RORA: variants seen among roughly 807,000 people sequenced by gnomAD.
RORA encodes nuclear receptor ROR-alpha.
A neutral mutation model predicts 69.5 loss-of-function variants in RORA; 7 were observed. The ratio of observed to expected loss-of-function variants is 0.10; its 90% CI spans 0.06 to 0.19. The LOEUF (loss-of-function observed/expected upper bound fraction) is 0.19. Among genes scored for constraint, RORA ranks in the 10% least tolerant of loss-of-function variants. The pLI, the probability that RORA is intolerant of heterozygous loss-of-function variation, is 1.00. For missense variants in RORA, 457 were observed against 663.0 expected (o/e 0.69, Z 3.41); for synonymous variants, 261 against 240.8 (o/e 1.08, Z -0.78).
chr15:61,190,842 T>C (rs960371151), intron 1 of RORA, among the ~76,000 whole-genome samples: 6 of 152,246 alleles, frequency 3.9e-5, no homozygotes, highest in African/African-American at 1.4e-4. Context: ...TGTGTGTGTG[T>C]GTATGGTTTT....
intron 2 of RORA, chr15:60,627,513 T>C: frequency 6.8e-7 from 1 of 1,479,788 alleles, no homozygotes; most frequent in Non-Finnish European, 8.9e-7. Flanking sequence ...GGGATAATGC[T>C]CAGAGGCCCT....
intron 1 of RORA, among the ~76,000 whole-genome samples, chr15:61,118,830 G>A (rs1314858265): frequency 6.6e-6 from 1 of 151,844 alleles, no homozygotes; most frequent in Non-Finnish European, 1.5e-5. Context: ...ACTGTTTTTT[G>A]AAACGAGTAT....
intron 1 of RORA, among the ~76,000 whole-genome samples, chr15:61,026,849 C>G (rs1331573453): frequency 6.6e-6 from 1 of 152,126 alleles, no homozygotes; most frequent in Non-Finnish European, 1.5e-5. Flanking sequence ...CTGAACAATG[C>G]CTTTAACACC....
At chr15:60,904,469 C>T (rs1259062658) in intron 1 of RORA, among the ~76,000 whole-genome samples, 3 of 152,158 alleles carry the variant, frequency 2.0e-5, no homozygotes, top group Non-Finnish European at 4.4e-5. Flanking sequence ...AGAAGGGTCA[C>T]TGTGAGAGAA....
chr15:60,624,932 TG>T (rs2069533800), intron 2 of RORA, among the ~76,000 whole-genome samples: 2 of 152,094 alleles, frequency 1.3e-5, no homozygotes. Flanking sequence ...AACCAAGAAA[TG>T]GGCCCTGGCA....
intron 1 of RORA, among the ~76,000 whole-genome samples, chr15:60,904,783 G>A (rs554187738): frequency 3.9e-5 from 6 of 152,230 alleles, no homozygotes; most frequent in African/African-American, 1.4e-4. Context: ...GGTAATGAAC[G>A]ACGGAAGAAG....
chr15:60,832,827 T>C (rs1003976560), intron 1 of RORA, among the ~76,000 whole-genome samples: 3 of 152,212 alleles, frequency 2.0e-5, no homozygotes, highest in Non-Finnish European at 2.9e-5. Context: ...TCTCTCCTGC[T>C]GTTACCATGC....
At chr15:61,088,187 CAG>C (rs2078653539) in intron 1 of RORA, among the ~76,000 whole-genome samples, 1 of 152,186 alleles carries the variant, frequency 6.6e-6, no homozygotes, top group Non-Finnish European at 1.5e-5. Context: ...AGTGTCAAAA[CAG>C]AGCTCGAGAA....
intron 1 of RORA, among the ~76,000 whole-genome samples, chr15:60,771,854 A>G (rs1452896142): frequency 6.6e-6 from 1 of 152,204 alleles, no homozygotes; most frequent in Admixed American, 6.5e-5. Context: ...ATGAGGATAC[A>G]CGAGATCTTG....
intron 1 of RORA, among the ~76,000 whole-genome samples, chr15:60,842,794 A>G (rs1052668436): frequency 6.6e-6 from 1 of 151,828 alleles, no homozygotes; most frequent in Non-Finnish European, 1.5e-5. Flanking sequence ...TCCTCAATCC[A>G]TATGAGCTGA....
chr15:61,200,300 C>A (rs1477897918), intron 1 of RORA, among the ~76,000 whole-genome samples: 2 of 152,142 alleles, frequency 1.3e-5, no homozygotes, highest in Admixed American at 1.3e-4. Context: ...GAGAAGCTCT[C>A]GCTCCTTTTT....
chr15:60,983,623 G>A (rs866717070), intron 1 of RORA, among the ~76,000 whole-genome samples: 6 of 152,122 alleles, frequency 3.9e-5, no homozygotes, highest in Admixed American at 2.0e-4. Context: ...TCTTAACCCA[G>A]ACACTCCTTT....
intron 1 of RORA, among the ~76,000 whole-genome samples, chr15:61,210,560 C>T (rs71411449): frequency 6.6e-6 from 1 of 152,088 alleles, no homozygotes; most frequent in Non-Finnish European, 1.5e-5. Flanking sequence ...TCTCAAATGA[C>T]TCCTAATTTG....
chr15:61,135,202 G>C (rs147375703), intron 1 of RORA, among the ~76,000 whole-genome samples: 1 of 149,756 alleles, frequency 6.7e-6, no homozygotes, highest in African/African-American at 2.5e-5. Flanking sequence ...GTGGTGGTAC[G>C]TGCCTGCAGT....
At chr15:60,690,901 A>G (rs2070813747) in intron 1 of RORA, among the ~76,000 whole-genome samples, 2 of 152,172 alleles carry the variant, frequency 1.3e-5, no homozygotes, top group Admixed American at 1.3e-4. Flanking sequence ...TAGAAGCTCC[A>G]TGTAAGCCAG....
At chr15:60,751,293 T>C (rs2071719816) in intron 1 of RORA, among the ~76,000 whole-genome samples, 2 of 152,156 alleles carry the variant, frequency 1.3e-5, no homozygotes, top group African/African-American at 4.8e-5. Context: ...TCAGGAGGAA[T>C]TGGCAGTTGC....
At chr15:60,615,658 A>G (rs2069222311) in intron 2 of RORA, among the ~76,000 whole-genome samples, 1 of 152,218 alleles carries the variant, frequency 6.6e-6, no homozygotes, top group African/African-American at 2.4e-5. Flanking sequence ...CCTAGCTCAT[A>G]AGGAAGTTGT....
chr15:61,226,847 G>A lies in RORA; in HGVS notation c.166+2206C>T, dbSNP rs977730953. 3.3e-5 allele frequency among the ~76,000 whole-genome samples: 5 copies of A among 152,046 alleles called. No individual in the cohort carries two copies. The highest frequency in any genetic ancestry group is 3.3e-4 in the Admixed American group (5 of 15,266). On this transcript the variant is annotated intron_variant, in intron 1 of 10. Coordinates refer to ENST00000335670, the MANE Select transcript of RORA (RefSeq NM_134261.3). This position sits in a 1 kb window ranked among gnomAD's most constrained non-coding sequence, Gnocchi z 4.2. Reference sequence around the variant, plus strand: ...TTAAATCTTCCAGGAGGGACAGACAGGGGCTGGTTCAAAGAATGAGTTGGG... The same window carrying A: ...TTAAATCTTCCAGGAGGGACAGACAAGGGCTGGTTCAAAGAATGAGTTGGG...
At chr15:60,670,384 A>AT (rs1242485309) in intron 2 of RORA, among the ~76,000 whole-genome samples, 1 of 151,818 alleles carries the variant, frequency 6.6e-6, no homozygotes, top group Non-Finnish European at 1.5e-5. Flanking sequence ...TACTTTTTGT[A>AT]TTTTTAGTTA....
Sources: allele counts gnomAD v4.1 joint callset (sites outside exome capture counted in the v4.1 genomes callset), GRCh38; gene constraint gnomAD v4.1.1; non-coding constraint Gnocchi (gnomAD v3.1); transcripts MANE v1.5; gene names NCBI Gene and HGNC (gene_info 2026-07-23, HGNC 2026-07-21).